Variants in PKN2 observed in about 807,000 individuals in gnomAD.
The protein encoded by PKN2 is protein kinase N2.
In PKN2, 38 loss-of-function variants were observed where a neutral mutation model predicts 119.1. That is an observed-to-expected ratio of 0.32 (90% CI 0.25 to 0.42). PKN2 has a LOEUF of 0.42. Ranked by LOEUF, PKN2 falls within the 10% of genes least tolerant of loss-of-function variation. The pLI, the probability that PKN2 is intolerant of heterozygous loss-of-function variation, is 1.00. For synonymous variants in PKN2, 390 were observed against 384.9 expected (o/e 1.01, Z -0.15); for missense variants, 850 against 1,165.1 (o/e 0.73, Z 3.94).
At chr1:88,827,745 GT>G (rs1403977009) in intron 18 of PKN2, among the ~76,000 whole-genome samples, 1 of 150,614 alleles carries the variant, frequency 6.6e-6, no homozygotes, top group African/African-American at 2.4e-5. Flanking sequence ...TTGAGACAGA[GT>G]TTTGCTCTTG....
At chr1:88,706,660 C>T (rs575611522) in intron 1 of PKN2, among the ~76,000 whole-genome samples, 46 of 152,108 alleles carry the variant, frequency 3.0e-4, no homozygotes, top group African/African-American at 1.1e-3. Flanking sequence ...GCTTTTCCTG[C>T]TTAATGTTTT....
chr1:88,817,154 A>G (rs1231882249), intron 16 of PKN2, among the ~76,000 whole-genome samples: 1 of 152,170 alleles, frequency 6.6e-6, no homozygotes, highest in Non-Finnish European at 1.5e-5. Flanking sequence ...TCTTCAGTAA[A>G]ACACTGGCAA....
intron 8 of PKN2, among the ~76,000 whole-genome samples, chr1:88,792,959 C>T (rs1390546043): frequency 6.6e-6 from 1 of 152,148 alleles, no homozygotes; most frequent in Non-Finnish European, 1.5e-5. Flanking sequence ...TGAGGCAGAT[C>T]ACTTTTACTG....
At chr1:88,815,077 A>G (rs1271385888) in intron 16 of PKN2, among the ~76,000 whole-genome samples, 3 of 152,218 alleles carry the variant, frequency 2.0e-5, no homozygotes, top group Non-Finnish European at 2.9e-5. Context: ...CGAATAATTC[A>G]TTCCCTCAAT....
intron 3 of PKN2, 116 bp downstream of exon 3, chr1:88,760,492 A>G (rs537061740): frequency 2.7e-4 from 153 of 569,566 alleles, no homozygotes; most frequent in Non-Finnish European, 4.4e-4. Context: ...TACTGGTGGC[A>G]TGGCACTTTG....
At chr1:88,764,157 C>G (rs192566100) in intron 3 of PKN2, among the ~76,000 whole-genome samples, 1 of 152,204 alleles carries the variant, frequency 6.6e-6, no homozygotes, top group Non-Finnish European at 1.5e-5. Context: ...AAAACACCTT[C>G]CTCTCTCATT....
intron 2 of PKN2, among the ~76,000 whole-genome samples, chr1:88,749,403 CA>C (rs11430270): frequency 0.018 from 2,152 of 116,760 alleles, 34 homozygotes; most frequent in African/African-American, 0.055. Flanking sequence ...GACTCCGTCT[CA>C]AAAAAAAAAA....
chr1:88,703,933 A>G (rs1340850593), intron 1 of PKN2, among the ~76,000 whole-genome samples: 1 of 152,198 alleles, frequency 6.6e-6, no homozygotes, highest in African/African-American at 2.4e-5. Context: ...AATCCTGTAT[A>G]TAGAAAAAGA....
chr1:88,692,744 T>TTA, intron 1 of PKN2, among the ~76,000 whole-genome samples: 1 of 152,354 alleles, frequency 6.6e-6, no homozygotes, highest in African/African-American at 2.4e-5. Flanking sequence ...ATTGCTTATG[T>TTA]TAATCCTCTG....
chr1:88,756,773 A>C (rs1037396945), intron 2 of PKN2, among the ~76,000 whole-genome samples: 1 of 152,162 alleles, frequency 6.6e-6, no homozygotes, highest in African/African-American at 2.4e-5. Flanking sequence ...CTTAACGGAG[A>C]TACACTTTCT....
chr1:88,798,575 AAGAG>A (rs769878167), intron 8 of PKN2, among the ~76,000 whole-genome samples: 1 of 152,192 alleles, frequency 6.6e-6, no homozygotes, highest in Non-Finnish European at 1.5e-5. Flanking sequence ...TAAAGAAAAG[AAGAG>A]AGAGTTAGTG....
chr1:88,707,824 A>T (rs933135361), intron 1 of PKN2, among the ~76,000 whole-genome samples: 1 of 152,172 alleles, frequency 6.6e-6, no homozygotes, highest in Non-Finnish European at 1.5e-5. Flanking sequence ...TATTGAGAGA[A>T]AGCAACTCAA....
At chr1:88,773,292 G>A (rs966229612) in intron 6 of PKN2, among the ~76,000 whole-genome samples, 2 of 151,522 alleles carry the variant, frequency 1.3e-5, no homozygotes, top group South Asian at 2.1e-4. Flanking sequence ...CCACTCCCAG[G>A]TTCAAGCAAT....
At chr1:88,783,278 C>T (rs567756138) in intron 6 of PKN2, among the ~76,000 whole-genome samples, 64 of 152,210 alleles carry the variant, frequency 4.2e-4, no homozygotes, top group Non-Finnish European at 7.5e-4. Flanking sequence ...GCCTTGTGAA[C>T]TCTAGCTGCT....
chr1:88,706,395 GTT>G (rs1667006885), intron 1 of PKN2, among the ~76,000 whole-genome samples: 1 of 152,168 alleles, frequency 6.6e-6, no homozygotes, highest in South Asian at 2.1e-4. Flanking sequence ...TTTCTATAGT[GTT>G]TTTATTTAAT....
intron 3 of PKN2, among the ~76,000 whole-genome samples, chr1:88,763,130 A>T (rs538558457): frequency 2.6e-5 from 4 of 152,350 alleles, no homozygotes; most frequent in Admixed American, 2.6e-4. Flanking sequence ...CTTCCCCACC[A>T]GTGGAGTTTT....
intron 16 of PKN2, among the ~76,000 whole-genome samples, chr1:88,821,605 GTACTT>G (rs1290914214): frequency 1.3e-5 from 2 of 152,054 alleles, no homozygotes; most frequent in African/African-American, 4.8e-5. Context: ...TCTCAGGTAA[GTACTT>G]TATTATTCCC....
chr1:88,815,183 T>A (rs1671935146), intron 16 of PKN2, among the ~76,000 whole-genome samples: 1 of 152,238 alleles, frequency 6.6e-6, no homozygotes, highest in Admixed American at 6.5e-5. Flanking sequence ...TTTAAAATAA[T>A]ACATAAATGT....
At chr1:88,775,116 C>T (rs184176221) in intron 6 of PKN2, among the ~76,000 whole-genome samples, 2 of 152,086 alleles carry the variant, frequency 1.3e-5, no homozygotes, top group East Asian at 3.9e-4. Flanking sequence ...AGGTGCACAC[C>T]ACCACGCTCA....
Sources: allele counts gnomAD v4.1 joint callset (sites outside exome capture counted in the v4.1 genomes callset), GRCh38; gene constraint gnomAD v4.1.1; transcripts MANE v1.5; gene names NCBI Gene and HGNC (gene_info 2026-07-23, HGNC 2026-07-21).